The following TMEM178B variants were observed in gnomAD, a reference collection of about 807,000 sequenced individuals.
TMEM178B encodes transmembrane protein 178B.
A neutral mutation model predicts 31.0 loss-of-function variants in TMEM178B; 5 were observed. The observed-to-expected ratio is 0.16, with a 90% CI of 0.08 to 0.34. TMEM178B has a LOEUF of 0.34. TMEM178B is among the 10% of genes least tolerant of loss of function. TMEM178B has a pLI of 1.00. For missense variants in TMEM178B, 275 were observed against 400.3 expected (o/e 0.69, Z 2.67); for synonymous variants, 164 against 164.0 (o/e 1.00, Z 0.00).
chr7:141,160,176 C>A (rs1796145469), intron 1 of TMEM178B, among the ~76,000 whole-genome samples: 1 of 151,740 alleles, frequency 6.6e-6, no homozygotes, highest in South Asian at 2.1e-4. Flanking sequence ...TACGCTGTAC[C>A]CAATGTGTTG....
At chr7:141,505,324 G>A in the TMEM178B span, among the ~76,000 whole-genome samples, 1 of 152,226 alleles carries the variant, frequency 6.6e-6, no homozygotes, top group Non-Finnish European at 1.5e-5. Flanking sequence ...ACTGCAGTGA[G>A]AATGACCAAG....
intron 3 of TMEM178B, among the ~76,000 whole-genome samples, chr7:141,443,526 G>C (rs760038691): frequency 1.3e-5 from 2 of 152,156 alleles, no homozygotes; most frequent in Non-Finnish European, 2.9e-5. Flanking sequence ...TTTTTCTCAC[G>C]ATTAGACTGG....
chr7:141,102,116 A>G (rs538210657), intron 1 of TMEM178B, among the ~76,000 whole-genome samples: 8 of 152,276 alleles, frequency 5.3e-5, no homozygotes, highest in Non-Finnish European at 1.2e-4. Context: ...TAGCAACCCT[A>G]TTTTATTGCC....
intron 1 of TMEM178B, among the ~76,000 whole-genome samples, chr7:141,105,968 G>A (rs1257323196): frequency 2.0e-5 from 3 of 151,410 alleles, no homozygotes; most frequent in Non-Finnish European, 2.9e-5. Flanking sequence ...GGTAGTGCAC[G>A]CCTATGGTCC....
rs1800518299 is a variant in TMEM178B at position 141,390,652 on chromosome 7, G to A, written c.497-46956G>A. Among the ~76,000 whole-genome samples, 3 of 152,204 alleles carry A rather than the reference G, an allele frequency of 2.0e-5. No individual in the cohort carries two copies. In the South Asian group the frequency reaches 6.2e-4, roughly 32 times the overall value. ...CAAACTACCTGCCCCGTTCTGACAC[G>A]ACATGTGATTAGACATTTTAGACAT... is the stretch of plus-strand genomic sequence containing the variant. On this transcript the variant is annotated intron_variant, in intron 2 of 3. Coordinates refer to ENST00000565468, the MANE Select transcript of TMEM178B (RefSeq NM_001195278.2).
chr7:141,196,795 T>C (rs1796790242), intron 1 of TMEM178B, among the ~76,000 whole-genome samples: 1 of 151,978 alleles, frequency 6.6e-6, no homozygotes, highest in Admixed American at 6.6e-5. Flanking sequence ...AGCTCATTGG[T>C]GTAATTGGTC....
At chr7:141,496,648 C>T in the TMEM178B span, among the ~76,000 whole-genome samples, 2 of 113,142 alleles carry the variant, frequency 1.8e-5, no homozygotes, top group Non-Finnish European at 3.2e-5. Context: ...CCAGCCTGGG[C>T]GACAGAGCGA....
chr7:141,088,422 T>C (rs1794823560), intron 1 of TMEM178B, among the ~76,000 whole-genome samples: 1 of 152,136 alleles, frequency 6.6e-6, no homozygotes, highest in Non-Finnish European at 1.5e-5. Context: ...TATTCCTTCT[T>C]CTTTGCCAGT....
rs1157137953 is a variant in TMEM178B at position 141,473,075 on chromosome 7, T to C, written c.*2289T>C. On this transcript the variant is annotated 3_prime_UTR_variant, in exon 4 of 4. Coordinates refer to ENST00000565468, the MANE Select transcript of TMEM178B (RefSeq NM_001195278.2). ...AGTTGTTAGCTTCCAGTTGGGGTTC[T>C]AAGGATTATTTTTAAAACAAAGGAT... is the stretch of plus-strand genomic sequence containing the variant. 1 of 152,214 alleles carries C rather than the reference T, an allele frequency of 6.6e-6. No homozygotes were observed. Among genetic ancestry groups the C allele is most frequent in the Non-Finnish European group, 1.5e-5 (1 of 68,040 alleles). The allele number at this position is 152,214 out of a possible 1,614,324, so 9.4% of individuals were successfully genotyped here.
chr7:141,360,694 A>G (rs148699725), intron 2 of TMEM178B, among the ~76,000 whole-genome samples: 1 of 152,350 alleles, frequency 6.6e-6, no homozygotes, highest in African/African-American at 2.4e-5. Flanking sequence ...ACAACTTCTC[A>G]TAAATCAGAT....
At chr7:141,413,439 A>T (rs1398206772) in intron 2 of TMEM178B, among the ~76,000 whole-genome samples, 1 of 152,236 alleles carries the variant, frequency 6.6e-6, no homozygotes, top group African/African-American at 2.4e-5. Context: ...GATCTTAAGG[A>T]AAAGCAAAAT....
intron 2 of TMEM178B, among the ~76,000 whole-genome samples, chr7:141,413,165 C>T (rs1371871221): frequency 1.3e-5 from 2 of 152,182 alleles, no homozygotes; most frequent in East Asian, 3.9e-4. Flanking sequence ...TGTATGCCAC[C>T]CCCATCCTCT....
chr7:141,374,149 G>A (rs548926624), intron 2 of TMEM178B, among the ~76,000 whole-genome samples: 153 of 152,244 alleles, frequency 1.0e-3, no homozygotes, highest in African/African-American at 3.4e-3. Flanking sequence ...GACTGTAAAC[G>A]CCCAGGAGCA....
At chr7:141,509,029 T>A in the TMEM178B span, among the ~76,000 whole-genome samples, 352 of 152,328 alleles carry the variant, frequency 2.3e-3, 1 homozygote, top group African/African-American at 8.0e-3. Context: ...GGACATGACA[T>A]CTATTCCATT....
In TMEM178B at chr7:141,131,680, AGTTT is replaced by A. The variant is rs1019595437; in HGVS notation, c.382+56995_382+56998del. ...TATCCTCATAGTATGAACATCTCAC[AGTTT>A]GTTTGTCTACTACCTTGTTGATGGG... On this transcript the variant is annotated intron_variant, in intron 1 of 3. Coordinates refer to ENST00000565468, the MANE Select transcript of TMEM178B (RefSeq NM_001195278.2). Among the ~76,000 whole-genome samples, 57 of 152,236 alleles carry A rather than the reference AGTTT, an allele frequency of 3.7e-4. 1 individual carries two copies. Among genetic ancestry groups the A allele is most frequent in the African/African-American group, 1.3e-3 (54 of 41,526 alleles).
intron 1 of TMEM178B, among the ~76,000 whole-genome samples, chr7:141,150,456 T>G (rs1795952658): frequency 6.6e-6 from 1 of 152,212 alleles, no homozygotes. Flanking sequence ...AGTCTGTTCT[T>G]TCCTCCGAAG....
the TMEM178B span, among the ~76,000 whole-genome samples, chr7:141,499,982 AT>A: frequency 7.9e-5 from 12 of 152,036 alleles, no homozygotes; most frequent in Non-Finnish European, 1.2e-4. Context: ...AGCACAAAGC[AT>A]TTTTTTTCTC....
rs540636985 is a variant in TMEM178B at position 141,247,248 on chromosome 7, G to C, written c.496+34544G>C. ...ACACACAATTCAAATCAAGATATAT[G>C]GCTATGTAGATATAGATATTTATAT... On this transcript the variant is annotated intron_variant, in intron 2 of 3. Coordinates refer to ENST00000565468, the MANE Select transcript of TMEM178B (RefSeq NM_001195278.2). 1.1e-4 allele frequency among the ~76,000 whole-genome samples: 16 copies of C among 151,316 alleles called. No homozygotes were observed. In the South Asian group the frequency reaches 3.1e-3, roughly 30 times the overall value.
chr7:141,459,244 G>A (rs1274012140), intron 3 of TMEM178B, among the ~76,000 whole-genome samples: 3 of 152,156 alleles, frequency 2.0e-5, no homozygotes, highest in Admixed American at 2.0e-4. Flanking sequence ...GGTCAGGCTG[G>A]TCTCGAACTC....
Sources: allele counts gnomAD v4.1 joint callset (sites outside exome capture counted in the v4.1 genomes callset), GRCh38; gene constraint gnomAD v4.1.1; transcripts MANE v1.5; gene names NCBI Gene and HGNC (gene_info 2026-07-23, HGNC 2026-07-21).